Variants in TMEM68 observed in about 807,000 individuals in gnomAD.
TMEM68 encodes transmembrane protein 68, also known as DGAT1/2-independent enzyme synthesizing storage lipids.
Under a neutral mutation model 36.9 loss-of-function variants are expected in TMEM68, and 25 were observed. That is an observed-to-expected ratio of 0.68 (90% CI 0.49 to 0.95). The LOEUF (loss-of-function observed/expected upper bound fraction) is 0.95. TMEM68 is among the 40% of genes least tolerant of loss of function. The pLI is 0.00. For synonymous variants in TMEM68, 131 were observed against 124.4 expected, an observed-to-expected ratio of 1.05 and a Z score of -0.35; for missense variants, 333 against 392.0, an observed-to-expected ratio of 0.85 and a Z score of 1.27.
chr8:55,763,046 T>C lies in TMEM68; in HGVS notation c.-69-18A>G. On this transcript the variant is annotated intron_variant, in intron 2 of 7. Transcript: ENST00000434581. ...TTTTGACACTAGAAGGGAAAAATAA[T>C]CCAGTATTATTTTCTCCACAGCTAT... 1 of 1,382,032 alleles carries C rather than the reference T, an allele frequency of 7.2e-7. No homozygotes were observed. Among genetic ancestry groups the C allele is most frequent in the Non-Finnish European group, 9.7e-7 (1 of 1,035,856 alleles). 85.6% of individuals were successfully genotyped at this position (1,382,032 alleles called of 1,614,324 possible).
intron 1 of TMEM68, among the ~76,000 whole-genome samples, chr8:55,767,410 G>A (rs1811005528): frequency 6.6e-6 from 1 of 152,042 alleles, no homozygotes; most frequent in Non-Finnish European, 1.5e-5. Flanking sequence ...TTTGAGGGTG[G>A]GATGGAGATC....
intron 7 of TMEM68, among the ~76,000 whole-genome samples, chr8:55,743,250 C>T (rs1481424909): frequency 1.3e-5 from 2 of 152,066 alleles, no homozygotes; most frequent in South Asian, 2.1e-4. Flanking sequence ...CTATCACTGG[C>T]CCCCACCCAC....
At chr8:55,772,887 C>T (rs1159257868) in intron 1 of TMEM68, 1 of 152,550 alleles carries the variant, frequency 6.6e-6, no homozygotes, top group Non-Finnish European at 1.5e-5. Context: ...GTCCCGGAAC[C>T]AGCGAAGCCA....
intron 2 of TMEM68, chr8:55,763,716 A>G (rs1810877113): frequency 1.9e-4 from 8 of 41,212 alleles, no homozygotes; most frequent in South Asian, 7.5e-4. Context: ...ACAAAAGAAA[A>G]CATCAATATC....
chr8:55,743,685 T>C (rs1810175011), intron 6 of TMEM68, 65 bp from the exon 7 acceptor site: 3 of 1,418,112 alleles, frequency 2.1e-6, no homozygotes, highest in Non-Finnish European at 2.8e-6. Context: ...CTGTAAACTT[T>C]CAAATTAATT....
intron 6 of TMEM68, among the ~76,000 whole-genome samples, chr8:55,744,141 G>T (rs544676595): frequency 6.6e-6 from 1 of 151,122 alleles, no homozygotes; most frequent in African/African-American, 2.4e-5. Flanking sequence ...ATGTAAATAT[G>T]AGACTATAAT....
At chr8:55,745,219 A>G in intron 5 of TMEM68, 98 bp from the exon 6 acceptor site, 1 of 695,866 alleles carries the variant, frequency 1.4e-6, no homozygotes, top group Non-Finnish European at 2.1e-6. Flanking sequence ...TTTAAGAAAG[A>G]GAAAAGGCAC....
At position 55,762,632 on chromosome 8, in the gene TMEM68, T is replaced by C; in HGVS notation, c.325+3A>G. 1.9e-6 allele frequency: 3 copies of C among 1,614,174 alleles called. No individual in the cohort carries two copies. Among genetic ancestry groups the C allele is most frequent in the African/African-American group, 1.3e-5 (1 of 75,048 alleles). On this transcript the variant is annotated splice_donor_region_variant and intron_variant, in intron 3 of 7. Coordinates refer to ENST00000434581, the MANE Select transcript of TMEM68 (RefSeq NM_001286657.2). ...ACACAAAGGTGAAAGTATCCTTGCT[T>C]ACCATGCCAAACGGCTGCATGTCCA... is the stretch of plus-strand genomic sequence containing the variant.
chr8:55,754,466 T>TATATATATATATATATATATATACAC (rs1346601089), intron 4 of TMEM68, among the ~76,000 whole-genome samples: 1 of 118,960 alleles, frequency 8.4e-6, no homozygotes, highest in African/African-American at 3.6e-5. Context: ...TATATATATA[T>TATATATATATATATATATATATACAC]ACACACACAC....
intron 3 of TMEM68, among the ~76,000 whole-genome samples, chr8:55,759,257 C>CCA (rs1402720833): frequency 1.6e-5 from 2 of 121,942 alleles, no homozygotes; most frequent in Non-Finnish European, 3.3e-5. Context: ...CCTGTCTCTA[C>CCA]AAAAAAAAAA....
intron 7 of TMEM68, among the ~76,000 whole-genome samples, chr8:55,743,075 C>G (rs1810153092): frequency 6.6e-6 from 1 of 152,164 alleles, no homozygotes; most frequent in African/African-American, 2.4e-5. Context: ...CAGCACTTTT[C>G]TTTCTTTCTC....
At position 55,762,781 on chromosome 8, in the gene TMEM68, G is replaced by A; in HGVS notation, c.179C>T (p.Thr60Ile). The change falls in exon 3 of 8, where the codon ACT (threonine) becomes ATT (isoleucine). Residue 60 changes from threonine to isoleucine, a missense_variant. Coordinates refer to ENST00000434581, the MANE Select transcript of TMEM68 (RefSeq NM_001286657.2). ...AATAGTAAGGTAGAGAAGAAAGATAGTAAAGTAAGGAAGTATTAAAAGTAT... is the reference window on the plus strand; with the variant it reads ...AATAGTAAGGTAGAGAAGAAAGATAATAAAGTAAGGAAGTATTAAAAGTAT... ...PLILLILPYFTIFLLYLTIIF... is the reference protein window; with the variant it reads ...PLILLILPYFIIFLLYLTIIF... 6.2e-7 allele frequency: 1 copy of A among 1,613,878 alleles called. No homozygotes were observed.
chr8:55,754,735 C>CA (rs1491108300), intron 4 of TMEM68, among the ~76,000 whole-genome samples: 1 of 114,410 alleles, frequency 8.7e-6, no homozygotes, highest in African/African-American at 3.7e-5. Flanking sequence ...AAAATACATA[C>CA]TTATATATAT....
intron 1 of TMEM68, among the ~76,000 whole-genome samples, chr8:55,765,521 T>C (rs1364320822): frequency 1.3e-5 from 2 of 152,244 alleles, no homozygotes; most frequent in African/African-American, 4.8e-5. Context: ...GTAAAGAGCC[T>C]AGAATACCTT....
At position 55,740,153 on chromosome 8, in the gene TMEM68, A is replaced by G; in HGVS notation, c.954T>C (p.Ala318=). The change falls in exon 8 of 8, where the codon GCT becomes GCC. Residue 318 remains alanine (A), a synonymous_variant. Coordinates refer to ENST00000434581, the MANE Select transcript of TMEM68 (RefSeq NM_001286657.2). ...GTTATCAATGAAAACGTTCTAACAA[A>G]GCACTCATAATGTTTCCTGGTATTC... The part of the protein sequence containing the change: ...HQRIPGNIMS[A]LLERFH 1 of 1,613,388 alleles carries G rather than the reference A, an allele frequency of 6.2e-7. No individual in the cohort carries two copies. Among genetic ancestry groups the G allele is most frequent in the Non-Finnish European group, 8.5e-7 (1 of 1,179,810 alleles).
chr8:55,744,571 TG>T (rs1810214514), intron 6 of TMEM68, among the ~76,000 whole-genome samples: 1 of 151,938 alleles, frequency 6.6e-6, no homozygotes, highest in South Asian at 2.1e-4. Flanking sequence ...CCTCCCAAAG[TG>T]CTAGGATTAC....
At chr8:55,765,582 A>T (rs1188451285) in intron 1 of TMEM68, among the ~76,000 whole-genome samples, 1 of 152,236 alleles carries the variant, frequency 6.6e-6, no homozygotes, top group Non-Finnish European at 1.5e-5. Flanking sequence ...ATAGAATCAC[A>T]GCAGCTTTTT....
chr8:55,754,611 T>G (rs1810523434), intron 4 of TMEM68, among the ~76,000 whole-genome samples: 2 of 133,834 alleles, frequency 1.5e-5, no homozygotes, highest in Non-Finnish European at 3.1e-5. Context: ...TATATATTTA[T>G]ATTATATATA....
rs191898611 is a variant in TMEM68 at position 55,753,549 on chromosome 8, A to T, written c.494-2392T>A. ...TACACAAATGGCTTTTTAGTGACAC[A>T]TGGATACCCAAAGCATTAACTGTTT... is the stretch of plus-strand genomic sequence containing the variant. On this transcript the variant is annotated intron_variant, in intron 4 of 7. Transcript: ENST00000434581. 2.8e-3 allele frequency among the ~76,000 whole-genome samples: 432 copies of T among 152,330 alleles called. 4 individuals are homozygous for T. Among genetic ancestry groups the T allele is most frequent in the African/African-American group, 9.1e-3 (379 of 41,576 alleles).
Sources: allele counts gnomAD v4.1 joint callset (sites outside exome capture counted in the v4.1 genomes callset), GRCh38; gene constraint gnomAD v4.1.1; transcripts MANE v1.5; gene names NCBI Gene and HGNC (gene_info 2026-07-23, HGNC 2026-07-21).